The following MCTP2 variants were observed in gnomAD, a reference collection of about 807,000 sequenced individuals.
MCTP2 encodes the protein multiple C2 and transmembrane domain containing 2.
MCTP2 carries 132 observed loss-of-function variants against 111.6 expected under a neutral mutation model. That is an observed-to-expected ratio of 1.18 (90% CI 1.03 to 1.37). The LOEUF (loss-of-function observed/expected upper bound fraction) is 1.37. MCTP2 is among the 40% of genes most tolerant of loss of function. The probability of loss-of-function intolerance (pLI) is 0.00; values close to 1 mark genes in which losing one functional copy is unlikely to be tolerated. For missense variants in MCTP2, 1,183 were observed against 1,067.9 expected, an observed-to-expected ratio of 1.11 and a Z score of -1.50; for synonymous variants, 395 against 387.7, an observed-to-expected ratio of 1.02 and a Z score of -0.22.
chr15:94,266,635 C>T (rs930467556), intron 1 of MCTP2, among the ~76,000 whole-genome samples: 5 of 152,074 alleles, frequency 3.3e-5, no homozygotes, highest in African/African-American at 7.3e-5. Flanking sequence ...TGTAGTTGGG[C>T]GGTAGGTGAA....
chr15:94,313,006 C>T (rs1476802032), intron 2 of MCTP2, among the ~76,000 whole-genome samples: 1 of 152,074 alleles, frequency 6.6e-6, no homozygotes, highest in African/African-American at 2.4e-5. Context: ...TCATCAGTGC[C>T]CCTACCCGCA....
chr15:94,249,485 A>G (rs2072250678), intron 1 of MCTP2, among the ~76,000 whole-genome samples: 2 of 151,646 alleles, frequency 1.3e-5, no homozygotes, highest in Admixed American at 6.6e-5. Context: ...TGAGTCTCAG[A>G]ATCTTTTTTT....
At chr15:94,383,417 G>A (rs534175583) in intron 12 of MCTP2, among the ~76,000 whole-genome samples, 1 of 152,304 alleles carries the variant, frequency 6.6e-6, no homozygotes, top group South Asian at 2.1e-4. Context: ...ATGTGTGGCC[G>A]CTGGCTTTCA....
chr15:94,476,854 G>A, intron 22 of MCTP2, 61 bp downstream of exon 22: 1 of 960,372 alleles, frequency 1.0e-6, no homozygotes, highest in Non-Finnish European at 1.7e-6. Context: ...CAGCCCCGGA[G>A]CCAGAGGAAC....
intron 17 of MCTP2, among the ~76,000 whole-genome samples, chr15:94,413,356 TC>T (rs1199656730): frequency 6.6e-6 from 1 of 152,186 alleles, no homozygotes. Flanking sequence ...AGCACATTCT[TC>T]CTTATGCAGA....
intron 17 of MCTP2, among the ~76,000 whole-genome samples, chr15:94,409,764 G>A (rs908169813): frequency 6.6e-6 from 1 of 151,492 alleles, no homozygotes; most frequent in Non-Finnish European, 1.5e-5. Flanking sequence ...TGATGGTTTC[G>A]AGTATCTAGT....
chr15:94,436,176 G>A (rs1262688883), intron 17 of MCTP2, among the ~76,000 whole-genome samples: 3 of 152,116 alleles, frequency 2.0e-5, no homozygotes, highest in South Asian at 2.1e-4. Flanking sequence ...GTGCATTCCC[G>A]TTTCCTCCAT....
chr15:94,298,126 C>A (rs2075359495), intron 1 of MCTP2, 75 bp from the exon 2 acceptor site: 1 of 606,072 alleles, frequency 1.6e-6, no homozygotes. Flanking sequence ...CTTTGATGTG[C>A]CTTACTGCCA....
chr15:94,340,734 A>C, intron 6 of MCTP2, 79 bp from the exon 7 acceptor site: 2 of 808,850 alleles, frequency 2.5e-6, no homozygotes, highest in East Asian at 5.2e-5. Flanking sequence ...GGAGACTTTT[A>C]CCATAAGCTC....
At chr15:94,349,097 C>G (rs1355854571) in intron 8 of MCTP2, among the ~76,000 whole-genome samples, 1 of 152,180 alleles carries the variant, frequency 6.6e-6, no homozygotes, top group Non-Finnish European at 1.5e-5. Context: ...TCACACTGCA[C>G]TGACCCACTG....
At chr15:94,429,757 C>T (rs559408800) in intron 17 of MCTP2, among the ~76,000 whole-genome samples, 5 of 152,246 alleles carry the variant, frequency 3.3e-5, no homozygotes, top group Admixed American at 6.5e-5. Flanking sequence ...CACAAATTTA[C>T]GTATCTAACC....
rs944353332 is a variant in MCTP2 at position 94,463,983 on chromosome 15, G to C, written c.2360+5737G>C. On this transcript the variant is annotated intron_variant, in intron 20 of 22. Coordinates refer to ENST00000357742, the MANE Select transcript of MCTP2 (RefSeq NM_001385001.1). ...GGCTGGATTTTATTTACTTGTTTTT[G>C]CTTAGGATTTTTGCAGTTATGATCA... Among the ~76,000 whole-genome samples, 3 of 151,426 alleles carry C rather than the reference G, an allele frequency of 2.0e-5. No individual in the cohort carries two copies. In the East Asian group the frequency reaches 5.8e-4, roughly 29 times the overall value.
chr15:94,476,422 A>T, intron 21 of MCTP2: 1 of 240,892 alleles, frequency 4.2e-6, no homozygotes, highest in Non-Finnish European at 8.1e-6. Flanking sequence ...GCCCCTCTTC[A>T]CCAGCCCCTG....
At chr15:94,445,567 A>G (rs1217637798) in intron 19 of MCTP2, among the ~76,000 whole-genome samples, 1 of 152,146 alleles carries the variant, frequency 6.6e-6, no homozygotes, top group African/African-American at 2.4e-5. Flanking sequence ...ACATACACAT[A>G]TGTATTACGA....
chr15:94,304,427 G>GCAAGATTCCATCTCAAA (rs2075788984), intron 2 of MCTP2, among the ~76,000 whole-genome samples: 1 of 152,170 alleles, frequency 6.6e-6, no homozygotes, highest in Non-Finnish European at 1.5e-5. Flanking sequence ...GGGTGACAGG[G>GCAAGATTCCATCTCAAA]CAAGATTCCA....
intron 1 of MCTP2, among the ~76,000 whole-genome samples, chr15:94,281,155 C>A (rs894333380): frequency 1.3e-5 from 2 of 152,146 alleles, no homozygotes; most frequent in African/African-American, 4.8e-5. Context: ...TTTGACCTAA[C>A]AGTGTCAGTG....
chr15:94,247,291 C>A (rs74032455), intron 1 of MCTP2, among the ~76,000 whole-genome samples: 4 of 152,282 alleles, frequency 2.6e-5, no homozygotes, highest in African/African-American at 7.2e-5. Context: ...GCCTCACCTG[C>A]TGCCCTTTCT....
At chr15:94,458,077 C>G (rs2084948244) in intron 19 of MCTP2, 60 bp from the exon 20 acceptor site, 1 of 882,556 alleles carries the variant, frequency 1.1e-6, no homozygotes. Flanking sequence ...ATAATATTTT[C>G]TGTATCAGCA....
rs200314451 is a variant in MCTP2, at chr15:94,440,237, T to C, written c.2147T>C (p.Ile716Thr). The C allele has an allele frequency of 2.4e-5, 39 of 1,614,110 alleles. No individual in the cohort carries two copies. Among genetic ancestry groups the C allele is most frequent in the Middle Eastern group, 1.6e-4 (1 of 6,062 alleles). Residue 716 changes from isoleucine (I) to threonine (T), a missense_variant, in exon 18 of 23, where the codon ATC becomes ACC. Ile to Thr is a moderately conservative substitution (Grantham distance 89, BLOSUM62 -1). Coordinates refer to ENST00000357742, the MANE Select transcript of MCTP2 (RefSeq NM_001385001.1). Reference protein sequence around the residue: ...LYMIPLALLLIFVYNFIRPVK... With the variant: ...LYMIPLALLLTFVYNFIRPVK... ...ATGATCCCCTTGGCATTGTTGCTGA[T>C]CTTTGTCTACAATTTCATCAGACCT... is the stretch of plus-strand genomic sequence containing the variant.
Sources: allele counts gnomAD v4.1 joint callset (sites outside exome capture counted in the v4.1 genomes callset), GRCh38; gene constraint gnomAD v4.1.1; transcripts MANE v1.5; gene names NCBI Gene and HGNC (gene_info 2026-07-23, HGNC 2026-07-21).